Variants in WDR72 observed in about 807,000 individuals in gnomAD.
The protein encoded by WDR72 is WD repeat domain 72.
In WDR72, 120 loss-of-function variants were observed where a neutral mutation model predicts 124.2. The ratio of observed to expected loss-of-function variants is 0.97; its 90% CI spans 0.83 to 1.12. WDR72 has a LOEUF of 1.12. WDR72 is among the 50% of genes most tolerant of loss of function. WDR72 has a pLI of 0.00. For missense variants in WDR72, 1,387 were observed against 1,278.8 expected (o/e 1.08, Z -1.29); for synonymous variants, 452 against 441.7 (o/e 1.02, Z -0.29).
At chr15:53,645,408 C>A (rs1436912349) in intron 14 of WDR72, among the ~76,000 whole-genome samples, 1 of 152,126 alleles carries the variant, frequency 6.6e-6, no homozygotes, top group Non-Finnish European at 1.5e-5. Flanking sequence ...AATGGACAAA[C>A]TGCTCATTTC....
chr15:53,647,879 A>AGTGGC (rs2015097507), intron 14 of WDR72, among the ~76,000 whole-genome samples: 1 of 152,136 alleles, frequency 6.6e-6, no homozygotes, highest in South Asian at 2.1e-4. Context: ...ATTCAATGTC[A>AGTGGC]TATAGCCACT....
chr15:53,665,908 G>A (rs762605756), intron 13 of WDR72, 140 bp from the exon 14 acceptor site: 9 of 810,098 alleles, frequency 1.1e-5, no homozygotes, highest in Admixed American at 2.3e-5. Context: ...AAAATAGCCT[G>A]GGAGCTTTTC....
intron 16 of WDR72, among the ~76,000 whole-genome samples, chr15:53,611,615 A>T (rs1906398): frequency 6.6e-6 from 1 of 151,924 alleles, no homozygotes. Context: ...TGTAATCATA[A>T]ATGTGAGAAG....
chr15:53,554,601 G>A (rs1286452092), intron 18 of WDR72, among the ~76,000 whole-genome samples: 1 of 152,080 alleles, frequency 6.6e-6, no homozygotes. Context: ...CCAAAGTAAA[G>A]GCACTTGACC....
At chr15:53,560,227 CAG>C (rs1855971001) in intron 18 of WDR72, among the ~76,000 whole-genome samples, 1 of 151,862 alleles carries the variant, frequency 6.6e-6, no homozygotes, top group Non-Finnish European at 1.5e-5. Flanking sequence ...GCTCTCTGAC[CAG>C]AGATGAACAG....
At chr15:53,554,580 T>C (rs1302384165) in intron 18 of WDR72, among the ~76,000 whole-genome samples, 4 of 152,122 alleles carry the variant, frequency 2.6e-5, no homozygotes, top group African/African-American at 9.7e-5. Context: ...TTCCAGAAAG[T>C]CACAACTTTT....
In WDR72 at chr15:53,704,816, T is replaced by TTAAAA. The variant is rs1555425971; in HGVS notation, c.1348+171_1348+172insTTTTA. On this transcript the variant is annotated intron_variant, in intron 11 of 19. Transcript: ENST00000360509. The stretch of plus-strand genomic sequence containing the variant: ...CAAAGTGCTAGGATTACAGGGAGTT[T>TTAAAA]AAAAAAAAAAAAAAAACCTATATGT... 2.4e-3 allele frequency among the ~76,000 whole-genome samples: 325 copies of TTAAAA among 136,166 alleles called. 3 individuals carry two copies. The highest frequency in any genetic ancestry group is 8.7e-3 in the African/African-American group (318 of 36,584). 89.3% of individuals were successfully genotyped at this position (136,166 alleles called of 152,430 possible).
At chr15:53,630,523 T>C (rs1210647397) in intron 14 of WDR72, among the ~76,000 whole-genome samples, 3 of 152,128 alleles carry the variant, frequency 2.0e-5, no homozygotes, top group African/African-American at 7.2e-5. Context: ...CATGAACAAC[T>C]AGAATTTATC....
At chr15:53,672,275 A>G (rs2016019167) in intron 13 of WDR72, among the ~76,000 whole-genome samples, 1 of 149,128 alleles carries the variant, frequency 6.7e-6, no homozygotes, top group South Asian at 2.2e-4. Flanking sequence ...CAAAGCCTTA[A>G]GCATTAGCAG....
At position 53,515,034 on chromosome 15, in the gene WDR72, T is replaced by C. The variant is rs909228804; in HGVS notation, c.*2665A>G. 4.9e-5 allele frequency: 7 copies of C among 144,224 alleles called. No homozygotes were observed. Among genetic ancestry groups the C allele is most frequent in the African/African-American group, 1.7e-4 (7 of 40,248 alleles). 8.9% of individuals were successfully genotyped at this position (144,224 alleles called of 1,614,324 possible). A position where few individuals can be genotyped will look rare whatever the true frequency, so the allele number is the denominator to read the frequency against. On this transcript the variant is annotated 3_prime_UTR_variant, in exon 20 of 20. Transcript: ENST00000360509. The stretch of plus-strand genomic sequence containing the variant: ...ATATATATATATATATACACACATA[T>C]ATATGTGTATATATATGTGTGTATA...
At chr15:53,740,398 C>G (rs1249711643) in intron 1 of WDR72, among the ~76,000 whole-genome samples, 1 of 151,782 alleles carries the variant, frequency 6.6e-6, no homozygotes, top group Non-Finnish European at 1.5e-5. Context: ...AGCTCCGTCT[C>G]CCGGGTTCAC....
At chr15:53,633,501 T>C (rs1356034191) in intron 14 of WDR72, among the ~76,000 whole-genome samples, 1 of 152,180 alleles carries the variant, frequency 6.6e-6, no homozygotes. Flanking sequence ...AAAAATTCTA[T>C]TGTAATTCTG....
chr15:53,744,037 T>C (rs1221958506), intron 1 of WDR72, among the ~76,000 whole-genome samples: 1 of 152,076 alleles, frequency 6.6e-6, no homozygotes, highest in Admixed American at 6.5e-5. Context: ...TACCTTCTTG[T>C]AGTAAATGTG....
chr15:53,719,002 C>T (rs537805147), intron 3 of WDR72, among the ~76,000 whole-genome samples: 3 of 152,166 alleles, frequency 2.0e-5, no homozygotes, highest in East Asian at 3.9e-4. Context: ...TACATCCCCA[C>T]CTCAGCACCT....
At chr15:53,714,597 G>C in intron 5 of WDR72, 87 bp from the exon 6 acceptor site, 1 of 1,042,042 alleles carries the variant, frequency 9.6e-7, no homozygotes, top group South Asian at 1.3e-5. Flanking sequence ...TAAGAATTAC[G>C]CAGGGCTGTG....
chr15:53,752,541 T>C (rs1242114736), intron 1 of WDR72, among the ~76,000 whole-genome samples: 5 of 152,124 alleles, frequency 3.3e-5, no homozygotes, highest in African/African-American at 4.8e-5. Flanking sequence ...AAGTGAGACA[T>C]GGGACAGAAC....
chr15:53,529,164 A>ATTTTTTTT (rs1221581823), intron 18 of WDR72, among the ~76,000 whole-genome samples: 1 of 78,166 alleles, frequency 1.3e-5, no homozygotes, highest in Non-Finnish European at 2.6e-5. Context: ...ATATATATAT[A>ATTTTTTTT]TTTTTTTTTT....
intron 9 of WDR72, among the ~76,000 whole-genome samples, chr15:53,710,559 A>G (rs2017504558): frequency 6.6e-6 from 1 of 152,220 alleles, no homozygotes; most frequent in South Asian, 2.1e-4. Context: ...GTGAATATGT[A>G]CTGCGGTGAA....
At chr15:53,723,007 T>A in intron 2 of WDR72, 99 bp from the exon 3 acceptor site, 4 of 1,160,426 alleles carry the variant, frequency 3.4e-6, no homozygotes, top group Non-Finnish European at 5.1e-6. Context: ...GAAATTCTGT[T>A]GTTTTTGTTG....
Sources: gnomAD v4.1 joint callset for allele counts (sites outside exome capture counted in the v4.1 genomes callset) on GRCh38, gnomAD v4.1.1 for gene constraint, MANE v1.5 for transcripts, NCBI Gene and HGNC (gene_info 2026-07-23, HGNC 2026-07-21) for gene names.